CACNA1H: variants seen among roughly 807,000 people sequenced by gnomAD.
CACNA1H encodes calcium voltage-gated channel subunit alpha1 H.
In CACNA1H, 149 loss-of-function variants were observed where a neutral mutation model predicts 192.5. That is an observed-to-expected ratio of 0.77 (90% CI 0.68 to 0.89). CACNA1H has a LOEUF of 0.89. Ranked by LOEUF, CACNA1H falls within the 40% of genes least tolerant of loss-of-function variation. CACNA1H has a pLI of 0.00. For synonymous variants in CACNA1H, 2,202 were observed against 1,475.2 expected (o/e 1.49, Z -11.29); for missense variants, 4,257 against 3,423.5 (o/e 1.24, Z -6.08).
intron 2 of CACNA1H, among the ~76,000 whole-genome samples, chr16:1,187,708 C>T (rs1484890863): frequency 2.0e-5 from 3 of 152,166 alleles, no homozygotes; most frequent in Non-Finnish European, 4.4e-5. Context: ...GCCACTCTGA[C>T]CATAGAGGAG....
chr16:1,210,651 G>A lies in CACNA1H; in HGVS notation c.4038G>A (p.Lys1346=). The change falls in exon 20 of 35, where the codon AAG becomes AAA. Residue 1346 remains lysine, a splice_region_variant and synonymous_variant. Transcript: ENST00000348261. ...TAIFVAEMMV[K]VVALGLLSGE... ...TCTTCGTGGCGGAGATGATGGTGAA[G>A]GTACCGCGGGGCCCGGGGACTGCCC... The A allele has an allele frequency of 1.2e-6, 2 of 1,602,814 alleles. No individual in the cohort carries two copies. The highest frequency in any genetic ancestry group is 1.7e-6 in the Non-Finnish European group (2 of 1,179,556).
rs142920731 is a variant in CACNA1H, at chr16:1,200,095, C to A, written c.804-161C>A. The stretch of plus-strand genomic sequence containing the variant: ...TCTTGACCCTCAGTCCTATCATGCC[C>A]CCTGACCCTAACCGTGCCTCCCTAA... On this transcript the variant is annotated intron_variant, in intron 6 of 34. Coordinates refer to ENST00000348261, the MANE Select transcript of CACNA1H (RefSeq NM_021098.3). 1.1e-3 allele frequency among the ~76,000 whole-genome samples: 172 copies of A among 152,224 alleles called. 3 individuals are homozygous for A. Among genetic ancestry groups the A allele is most frequent in the Non-Finnish European group, 1.3e-3 (91 of 67,998 alleles).
At position 1,221,377 on chromosome 16, in the gene CACNA1H, G is replaced by C. The variant is rs1031184860; in HGVS notation, c.*383G>C. 2 of 319,570 alleles carry C rather than the reference G, an allele frequency of 6.3e-6. No individual in the cohort carries two copies. The highest frequency in any genetic ancestry group is 4.3e-5 in the African/African-American group (2 of 46,046). 19.8% of individuals were successfully genotyped at this position (319,570 alleles called of 1,614,324 possible). A position where few individuals can be genotyped will look rare whatever the true frequency, so the allele number is the denominator to read the frequency against. ...TTACAGGACACTCGCTGGGGGCCCTGTGCCCTTGCCGGCGGCAGGTTGCAG... is the reference window on the plus strand; with the variant it reads ...TTACAGGACACTCGCTGGGGGCCCTCTGCCCTTGCCGGCGGCAGGTTGCAG... On this transcript the variant is annotated 3_prime_UTR_variant, in exon 35 of 35. Coordinates refer to ENST00000348261, the MANE Select transcript of CACNA1H (RefSeq NM_021098.3).
chr16:1,157,659 G>T (rs192460773), intron 2 of CACNA1H: 1 of 152,404 alleles, frequency 6.6e-6, no homozygotes, highest in Admixed American at 6.5e-5. Context: ...TGCATCGTGG[G>T]GACCCTCTTG....
rs1209399964 is a variant in CACNA1H, at chr16:1,208,077, C to T, written c.3219C>T (p.Ser1073=). Reference sequence around the variant, plus strand: ...ACCTGGAGGGACGAGGCAGCCTGTCCCCTCCCCTCATCATGTGCACAGCTG... The same window carrying T: ...ACCTGGAGGGACGAGGCAGCCTGTCTCCTCCCCTCATCATGTGCACAGCTG... ...NGHLEGRGSL[S]PPLIMCTAAT... Residue 1073 remains serine, a synonymous_variant, in exon 16 of 35, where the codon TCC becomes TCT. Transcript: ENST00000348261. The T allele has an allele frequency of 5.6e-6, 9 of 1,601,576 alleles. No homozygotes were observed. The highest frequency in any genetic ancestry group is 5.4e-5 in the African/African-American group (4 of 74,586).
At chr16:1,200,634 G>C (rs554412075) in intron 7 of CACNA1H, 63 bp downstream of exon 7, 3 of 1,580,780 alleles carry the variant, frequency 1.9e-6, no homozygotes, top group African/African-American at 2.7e-5. Flanking sequence ...TGCAGGACTC[G>C]CCCCCCCCAG....
chr16:1,177,870 C>A (rs918448792), intron 2 of CACNA1H, among the ~76,000 whole-genome samples: 3 of 151,910 alleles, frequency 2.0e-5, no homozygotes, highest in Middle Eastern at 3.2e-3. Flanking sequence ...CCAGTCACCT[C>A]CCAAAGGCCC....
At position 1,180,164 on chromosome 16, in the gene CACNA1H, C is replaced by T. The variant is rs901648920; in HGVS notation, c.300-14808C>T. 2.0e-5 allele frequency among the ~76,000 whole-genome samples: 3 copies of T among 152,066 alleles called. No individual in the cohort carries two copies. Among genetic ancestry groups the T allele is most frequent in the African/African-American group, 7.2e-5 (3 of 41,410 alleles). On this transcript the variant is annotated intron_variant, in intron 2 of 34. Transcript: ENST00000348261. This position sits in a 1 kb window ranked among gnomAD's most constrained non-coding sequence, Gnocchi z 4.4. Reference sequence around the variant, plus strand: ...TTGGGTGCCCTGGCTGGGTCCCTGTCCCTGCACACCGGGTCAGCCGGCTCC... The same window carrying T: ...TTGGGTGCCCTGGCTGGGTCCCTGTTCCTGCACACCGGGTCAGCCGGCTCC...
intron 2 of CACNA1H, among the ~76,000 whole-genome samples, chr16:1,162,937 A>G (rs1357772794): frequency 6.6e-6 from 1 of 152,224 alleles, no homozygotes; most frequent in African/African-American, 2.4e-5. Flanking sequence ...CGGCCACTCC[A>G]CGGGTGCCTG....
rs776134781 is a variant in CACNA1H, at chr16:1,204,033, C to G, written c.2026C>G (p.Leu676Val). The change falls in exon 10 of 35, where the codon CTG (leucine) becomes GTG (valine). Residue 676 changes from leucine to valine, a missense_variant. Leu to Val is a conservative substitution (Grantham distance 32). Transcript: ENST00000348261. ...AGGACTGGGCCAGGCCCCTGGCCAT[C>G]TGTCGGGCCTCAGTGTGCCCTGCCC... ...EHGLGQAPGHLSGLSVPCPLP... is the reference protein window; with the variant it reads ...EHGLGQAPGHVSGLSVPCPLP... The G allele has an allele frequency of 6.4e-7, 1 of 1,565,726 alleles. No individual in the cohort carries two copies. The highest frequency in any genetic ancestry group is 2.4e-5 in the East Asian group (1 of 42,226).
rs1272961811 is a variant in CACNA1H at position 1,209,169 on chromosome 16, G to C, written c.3501G>C (p.Leu1167=). 1.4e-5 allele frequency: 21 copies of C among 1,552,846 alleles called. No homozygotes were observed. The highest frequency in any genetic ancestry group is 1.8e-5 in the Non-Finnish European group (21 of 1,149,240). ...AGTGTGGGGAACGTGAGTCCCTGCT[G>C]TCTGGCGAGGGCAAGGGCAGCACCG... is the stretch of plus-strand genomic sequence containing the variant. ...RGQCGERESL[L]SGEGKGSTDD... is the part of the protein sequence containing the mutation. Residue 1167 remains leucine (L), a synonymous_variant, in exon 17 of 35, where the codon CTG becomes CTC. Coordinates refer to ENST00000348261, the MANE Select transcript of CACNA1H (RefSeq NM_021098.3).
chr16:1,219,568 C>CT (rs1222119425), intron 34 of CACNA1H, among the ~76,000 whole-genome samples: 1 of 152,246 alleles, frequency 6.6e-6, no homozygotes, highest in Non-Finnish European at 1.5e-5. Context: ...CCTTGCCCAC[C>CT]TGCAGCCTCA....
At chr16:1,166,241 G>A (rs146489533) in intron 2 of CACNA1H, among the ~76,000 whole-genome samples, 6 of 152,320 alleles carry the variant, frequency 3.9e-5, no homozygotes, top group South Asian at 2.1e-4. Flanking sequence ...CTTTGCGTCC[G>A]GAGTGGGGTC....
chr16:1,156,786 A>G (rs534477579), intron 2 of CACNA1H, among the ~76,000 whole-genome samples: 2 of 152,198 alleles, frequency 1.3e-5, no homozygotes, highest in South Asian at 2.1e-4. Context: ...CAGTCAGCAC[A>G]GGAACCTGGG....
Position 1,210,385 on chromosome 16 carries a change from C to T in CACNA1H, c.3861C>T (p.Cys1287=), listed in dbSNP as rs377055233. 42 of 1,531,584 alleles carry T rather than the reference C, an allele frequency of 2.7e-5. No homozygotes were observed. The East Asian group carries it at 6.2e-4, about 23-fold the overall frequency. The allele number at this position is 1,531,584 out of a possible 1,614,324, so 94.9% of individuals were successfully genotyped here. ...FSPQNRFRVS[C]QKVITHKMFD... ...GCCCACCCAGGTTCCGCGTCTCCTGCCAGAAGGTCATCACACACAAGATGT... is the reference window on the plus strand; with the variant it reads ...GCCCACCCAGGTTCCGCGTCTCCTGTCAGAAGGTCATCACACACAAGATGT... The change falls in exon 19 of 35, where the codon TGC becomes TGT. Residue 1287 remains cysteine (C), a synonymous_variant. Coordinates refer to ENST00000348261, the MANE Select transcript of CACNA1H (RefSeq NM_021098.3).
chr16:1,190,585 A>G (rs1047758546), intron 2 of CACNA1H, among the ~76,000 whole-genome samples: 1 of 152,118 alleles, frequency 6.6e-6, no homozygotes, highest in Non-Finnish European at 1.5e-5. Context: ...CTGGGGTGTG[A>G]CCCGGTTGGG....
Position 1,207,022 on chromosome 16 carries a change from C to T in CACNA1H, c.2811C>T (p.Phe937=), listed in dbSNP as rs372701359. Residue 937 remains phenylalanine, a synonymous_variant, in exon 13 of 35, where the codon TTC becomes TTT. Transcript: ENST00000348261. ...TCAGCATCCTGGGCATGCACCTTTTCGGCTGCAAGTTCAGCCTGAAGACAG... is the reference window on the plus strand; with the variant it reads ...TCAGCATCCTGGGCATGCACCTTTTTGGCTGCAAGTTCAGCCTGAAGACAG... ...FIFSILGMHL[F]GCKFSLKTDT... The T allele has an allele frequency of 7.3e-5, 117 of 1,592,278 alleles. No individual in the cohort carries two copies. The highest frequency in any genetic ancestry group is 9.2e-5 in the Non-Finnish European group (108 of 1,169,244).
intron 2 of CACNA1H, among the ~76,000 whole-genome samples, chr16:1,181,001 C>T (rs1295270271): frequency 6.6e-6 from 1 of 152,204 alleles, no homozygotes; most frequent in East Asian, 1.9e-4. Flanking sequence ...AGGCCACGTT[C>T]CCATGGAGGG....
chr16:1,193,536 C>T (rs558091255), intron 2 of CACNA1H, among the ~76,000 whole-genome samples: 2 of 152,372 alleles, frequency 1.3e-5, no homozygotes, highest in South Asian at 2.1e-4. Context: ...CATCGGTAGG[C>T]GGCAGTGCGT....
Sources: allele counts gnomAD v4.1 joint callset (sites outside exome capture counted in the v4.1 genomes callset), GRCh38; gene constraint gnomAD v4.1.1; non-coding constraint Gnocchi (gnomAD v3.1); transcripts MANE v1.5; gene names NCBI Gene and HGNC (gene_info 2026-07-23, HGNC 2026-07-21).